KIRREL3: variants seen among roughly 807,000 people sequenced by gnomAD.
KIRREL3 encodes the protein kirre like nephrin family adhesion molecule 3.
In KIRREL3, 36 loss-of-function variants were observed where a neutral mutation model predicts 89.7. That is an observed-to-expected ratio of 0.40 (90% CI 0.31 to 0.53). The LOEUF (loss-of-function observed/expected upper bound fraction) is 0.53, where lower values mean the gene tolerates loss of function less well. Among genes scored for constraint, KIRREL3 ranks in the 20% least tolerant of loss-of-function variants. The pLI is 0.49. For synonymous variants in KIRREL3, 445 were observed against 441.4 expected, an observed-to-expected ratio of 1.01 and a Z score of -0.10; for missense variants, 864 against 1,056.6, an observed-to-expected ratio of 0.82 and a Z score of 2.53.
rs1317942571 is a variant in KIRREL3 at position 126,436,838 on chromosome 11, T to C, written c.1525A>G (p.Thr509Ala). The change falls in exon 12 of 17, where the codon ACT becomes GCT. Residue 509 changes from threonine (T) to alanine (A), a missense_variant. Coordinates refer to ENST00000525144, the MANE Select transcript of KIRREL3 (RefSeq NM_032531.4). ...TGCTCCTTGAGCCGGATGATCTCAG[T>C]GTCGGAGCCGAAGCTGTTCCAGGCC... The part of the protein sequence containing the change: ...CTAWNSFGSD[T>A]EIIRLKEQGS... The C allele has an allele frequency of 6.2e-7, 1 of 1,613,682 alleles. No homozygotes were observed. Among genetic ancestry groups the C allele is most frequent in the Admixed American group, 1.7e-5 (1 of 60,026 alleles).
rs559711608 is a variant in KIRREL3 at position 126,623,842 on chromosome 11, T to C, written c.56-60930A>G. 6.6e-6 allele frequency among the ~76,000 whole-genome samples: 1 copy of C among 152,322 alleles called. No homozygotes were observed. The highest frequency in any genetic ancestry group is 2.1e-4 in the South Asian group (1 of 4,814). ...CCTTTCCCTGTGTTGAGGCCCTCTG[T>C]TGAACCTGGCAATAAACGTTATGCC... On this transcript the variant is annotated intron_variant, in intron 1 of 16. Transcript: ENST00000525144. The surrounding 1 kb of genome is among the most constrained non-coding windows in gnomAD (Gnocchi z 4.1).
chr11:126,648,408 C>T (rs11220568), intron 1 of KIRREL3, among the ~76,000 whole-genome samples: 7,177 of 152,282 alleles, frequency 0.047, 239 homozygotes, highest in Non-Finnish European at 0.066. Flanking sequence ...GTCCTGTCCT[C>T]GGTCCCTCCC....
At chr11:126,851,861 T>C (rs751630993) in intron 1 of KIRREL3, among the ~76,000 whole-genome samples, 6 of 152,002 alleles carry the variant, frequency 3.9e-5, no homozygotes, top group Admixed American at 2.0e-4. Flanking sequence ...AGATGGAGCA[T>C]ATAAACAAGC....
Position 126,627,019 on chromosome 11 carries a change from A to AAC in KIRREL3, c.56-64108_56-64107insGT, listed in dbSNP as rs1555164877. 0.015 allele frequency among the ~76,000 whole-genome samples: 2,200 copies of AAC among 150,360 alleles called. 20 individuals carry two copies. Among genetic ancestry groups the AAC allele is most frequent in the Middle Eastern group, 0.087 (25 of 288 alleles). ...CTGTCTCAAGAAAAAAAAAAAACAA[A>AAC]AAAAAAAGAATAACCACAGTTTTGA... On this transcript the variant is annotated intron_variant, in intron 1 of 16. Coordinates refer to ENST00000525144, the MANE Select transcript of KIRREL3 (RefSeq NM_032531.4). This position sits in a 1 kb window ranked among gnomAD's most constrained non-coding sequence, Gnocchi z 5.0.
intron 1 of KIRREL3, among the ~76,000 whole-genome samples, chr11:126,798,001 G>C (rs1427102055): frequency 1.3e-5 from 2 of 152,168 alleles, no homozygotes; most frequent in Non-Finnish European, 2.9e-5. Context: ...GTGGAGGAAG[G>C]CTCATATCTT....
In KIRREL3 at chr11:126,993,509, C is replaced by G. The variant is rs981088481; in HGVS notation, c.55+6946G>C. On this transcript the variant is annotated intron_variant, in intron 1 of 16. Transcript: ENST00000525144. The surrounding 1 kb of genome is among the most constrained non-coding windows in gnomAD (Gnocchi z 6.1). The stretch of plus-strand genomic sequence containing the variant: ...CTCCTCTGTGCAACCTTTTCTGATG[C>G]CTTTGCTGATCCACCTGTTTTCAGA... Among the ~76,000 whole-genome samples, 1 of 152,180 alleles carries G rather than the reference C, an allele frequency of 6.6e-6. No individual in the cohort carries two copies. Among genetic ancestry groups the G allele is most frequent in the Non-Finnish European group, 1.5e-5 (1 of 68,038 alleles).
At chr11:126,534,795 A>G (rs964536921) in intron 2 of KIRREL3, among the ~76,000 whole-genome samples, 1 of 152,100 alleles carries the variant, frequency 6.6e-6, no homozygotes, top group African/African-American at 2.4e-5. Flanking sequence ...AAGCTTCAGG[A>G]GTGGGAGCAG....
In KIRREL3 at chr11:126,614,548, G is replaced by A. The variant is rs1201838103; in HGVS notation, c.56-51636C>T. 6.6e-6 allele frequency among the ~76,000 whole-genome samples: 1 copy of A among 152,170 alleles called. No homozygotes were observed. Among genetic ancestry groups the A allele is most frequent in the Non-Finnish European group, 1.5e-5 (1 of 68,020 alleles). ...TGAGGGTGCATGGACCTGGGCATTG[G>A]TGTCTCTACTAAACACTGCCCAGGT... On this transcript the variant is annotated intron_variant, in intron 1 of 16. Coordinates refer to ENST00000525144, the MANE Select transcript of KIRREL3 (RefSeq NM_032531.4). The surrounding 1 kb of genome is among the most constrained non-coding windows in gnomAD (Gnocchi z 4.6).
rs550241797 is a variant in KIRREL3, at chr11:126,798,912, G to A, written c.55+201543C>T. Among the ~76,000 whole-genome samples the A allele has an allele frequency of 2.6e-4, 39 of 152,312 alleles. 1 individual carries two copies. The highest frequency in any genetic ancestry group is 6.8e-3 in the Middle Eastern group (2 of 294). ...GTCTCAGTTTCTGCATCTGCAAAAC[G>A]AAGAGTACAGTGGGCCCGCCACAGA... is the stretch of plus-strand genomic sequence containing the variant. On this transcript the variant is annotated intron_variant, in intron 1 of 16. Coordinates refer to ENST00000525144, the MANE Select transcript of KIRREL3 (RefSeq NM_032531.4).
chr11:126,847,402 T>A lies in KIRREL3; in HGVS notation c.55+153053A>T, dbSNP rs552169847. On this transcript the variant is annotated intron_variant, in intron 1 of 16. Transcript: ENST00000525144. ...TTTTGACTGTGGCTGCCCTAAACAT[T>A]TTGTCATCCACAGACAATTGTTGTC... Among the ~76,000 whole-genome samples the A allele has an allele frequency of 3.9e-5, 6 of 152,226 alleles. No homozygotes were observed. The South Asian group carries it at 6.2e-4, about 16-fold the overall frequency.
intron 1 of KIRREL3, among the ~76,000 whole-genome samples, chr11:126,821,821 G>C (rs1481317491): frequency 6.6e-6 from 1 of 152,146 alleles, no homozygotes; most frequent in Non-Finnish European, 1.5e-5. Context: ...AGTTGGTTTG[G>C]AAGATGGAGT....
chr11:126,499,635 C>T (rs183420701), intron 4 of KIRREL3, among the ~76,000 whole-genome samples: 246 of 152,362 alleles, frequency 1.6e-3, no homozygotes, highest in South Asian at 7.2e-3. Context: ...CAAACGCTCA[C>T]GTTAGGGAGT....
At chr11:126,590,203 C>G (rs1219278224) in intron 1 of KIRREL3, among the ~76,000 whole-genome samples, 1 of 152,170 alleles carries the variant, frequency 6.6e-6, no homozygotes, top group Non-Finnish European at 1.5e-5. Flanking sequence ...TTTGTTAATA[C>G]CCCCTTTCAA....
Position 126,635,957 on chromosome 11 carries a change from T to C in KIRREL3, c.56-73045A>G, listed in dbSNP as rs117805741. Among the ~76,000 whole-genome samples, 26 of 152,302 alleles carry C rather than the reference T, an allele frequency of 1.7e-4. No individual in the cohort carries two copies. Among genetic ancestry groups the C allele is most frequent in the Admixed American group, 7.2e-4 (11 of 15,294 alleles). ...GGGTCATGGGCAGGGCCAGCAGGCC[T>C]ACAGGTAGCGGGAGGGATCAGTGGA... On this transcript the variant is annotated intron_variant, in intron 1 of 16. Transcript: ENST00000525144. This position sits in a 1 kb window ranked among gnomAD's most constrained non-coding sequence, Gnocchi z 4.0.
intron 1 of KIRREL3, among the ~76,000 whole-genome samples, chr11:126,923,098 T>TCTTCTCCTTCTCCTTCTCCTTCTC (rs201230668): frequency 1.1e-5 from 1 of 89,064 alleles, no homozygotes; most frequent in Non-Finnish European, 2.3e-5. Flanking sequence ...TTCTTCTTCT[T>TCTTCTCCTTCTCCTTCTCCTTCTC]CTTCTCCTTC....
intron 1 of KIRREL3, among the ~76,000 whole-genome samples, chr11:126,887,069 CAGA>C (rs1259403843): frequency 6.6e-6 from 1 of 152,144 alleles, no homozygotes. Flanking sequence ...ACTCCCCTCC[CAGA>C]AGAATTCAGG....
At chr11:126,433,809 C>T (rs141380203) in intron 13 of KIRREL3, among the ~76,000 whole-genome samples, 1 of 152,346 alleles carries the variant, frequency 6.6e-6, no homozygotes, top group Non-Finnish European at 1.5e-5. Context: ...CTTGGAAAAA[C>T]ACAGGGCTTG....
At chr11:126,572,743 A>G (rs1941030817) in intron 1 of KIRREL3, among the ~76,000 whole-genome samples, 1 of 151,900 alleles carries the variant, frequency 6.6e-6, no homozygotes, top group South Asian at 2.1e-4. Context: ...ATGCCTGCCT[A>G]CTCAGGGTGT....
Position 126,541,239 on chromosome 11 carries a change from G to A in KIRREL3, c.134-14552C>T, listed in dbSNP as rs562393566. Among the ~76,000 whole-genome samples the A allele has an allele frequency of 2.0e-5, 3 of 152,278 alleles. No homozygotes were observed. In the East Asian group the frequency reaches 5.8e-4, roughly 30 times the overall value. Reference sequence around the variant, plus strand: ...TTTGTCCTTGTCCTGGGCCCAGAAGGTACCAGTTGATGCTGCCTCTGCCAC... The same window carrying A: ...TTTGTCCTTGTCCTGGGCCCAGAAGATACCAGTTGATGCTGCCTCTGCCAC... On this transcript the variant is annotated intron_variant, in intron 2 of 16. Transcript: ENST00000525144. The surrounding 1 kb of genome is among the most constrained non-coding windows in gnomAD (Gnocchi z 4.8).
Sources: gnomAD v4.1 joint callset for allele counts (sites outside exome capture counted in the v4.1 genomes callset) on GRCh38, gnomAD v4.1.1 for gene constraint, Gnocchi (gnomAD v3.1) non-coding constraint, MANE v1.5 for transcripts, NCBI Gene and HGNC (gene_info 2026-07-23, HGNC 2026-07-21) for gene names.